Variants in NSUN6 observed in about 807,000 individuals in gnomAD.
The protein encoded by NSUN6 is tRNA (cytosine(72)-C(5))-methyltransferase NSUN6.
A neutral mutation model predicts 58.0 loss-of-function variants in NSUN6; 64 were observed. The ratio of observed to expected loss-of-function variants is 1.10; its 90% CI spans 0.90 to 1.36. The LOEUF (loss-of-function observed/expected upper bound fraction) is 1.36, where lower values mean the gene tolerates loss of function less well. Ranked by LOEUF, NSUN6 falls within the 40% of genes most tolerant of loss-of-function variation. The pLI is 0.00. For missense variants in NSUN6, 701 were observed against 550.1 expected (o/e 1.27, Z -2.74); for synonymous variants, 231 against 193.9 (o/e 1.19, Z -1.59).
intron 2 of NSUN6, among the ~76,000 whole-genome samples, chr10:18,645,736 A>G (rs2059527803): frequency 6.6e-6 from 1 of 152,248 alleles, no homozygotes; most frequent in East Asian, 1.9e-4. Flanking sequence ...TATTTGGAGT[A>G]TATACCTAGG....
At chr10:18,649,758 C>T (rs138588674) in intron 1 of NSUN6, among the ~76,000 whole-genome samples, 33 of 152,080 alleles carry the variant, frequency 2.2e-4, no homozygotes, top group Admixed American at 2.0e-3. Flanking sequence ...CAAAGAAAGA[C>T]GTTTGGATCT....
intron 8 of NSUN6, among the ~76,000 whole-genome samples, chr10:18,568,712 T>C (rs1390445670): frequency 6.6e-6 from 1 of 151,328 alleles, no homozygotes; most frequent in Non-Finnish European, 1.5e-5. Flanking sequence ...TCCACTCCAC[T>C]GTCCATTCCA....
chr10:18,555,414 G>C (rs1477899139), intron 8 of NSUN6, among the ~76,000 whole-genome samples: 1 of 151,056 alleles, frequency 6.6e-6, no homozygotes, highest in African/African-American at 2.4e-5. Context: ...ATGGAATGGA[G>C]AATGCTATGG....
chr10:18,653,236 G>A (rs188182441), upstream of NSUN6: 59 of 983,768 alleles, frequency 6.0e-5, no homozygotes, highest in Middle Eastern at 1.0e-3. Flanking sequence ...TCCATAATGG[G>A]CACTCAAATA....
At chr10:18,652,403 ATTGT>A (rs2059725024), upstream of NSUN6, 4 of 984,544 alleles carry the variant, frequency 4.1e-6, no homozygotes, top group Non-Finnish European at 4.8e-6. Context: ...AGGGTTTTTT[ATTGT>A]TTTTTTCTCT....
At chr10:18,600,193 T>C (rs1054694675) in intron 6 of NSUN6, among the ~76,000 whole-genome samples, 1 of 151,932 alleles carries the variant, frequency 6.6e-6, no homozygotes, top group African/African-American at 2.4e-5. Context: ...GGATAACAGT[T>C]TTCCAGGAAG....
Position 18,545,788 on chromosome 10 carries a change from T to A in NSUN6, c.*145A>T. On this transcript the variant is annotated 3_prime_UTR_variant, in exon 11 of 11. Coordinates refer to ENST00000377304, the MANE Select transcript of NSUN6 (RefSeq NM_182543.5). ...CCCCTACTTCCTCTATGTCTCTGGA[T>A]CCCTGGTAAAACAGCTGGCAGCCTT... 1 of 635,270 alleles carries A rather than the reference T, an allele frequency of 1.6e-6. No individual in the cohort carries two copies. The highest frequency in any genetic ancestry group is 1.9e-5 in the South Asian group (1 of 53,112). 39.4% of individuals were successfully genotyped at this position (635,270 alleles called of 1,614,324 possible). A position where few individuals can be genotyped will look rare whatever the true frequency, so the allele number is the denominator to read the frequency against.
intron 3 of NSUN6, among the ~76,000 whole-genome samples, chr10:18,632,848 T>G (rs142770096): frequency 0.12 from 17,521 of 152,238 alleles, 1,342 homozygotes; most frequent in Middle Eastern, 0.22. Flanking sequence ...GTCAGTGCAG[T>G]GATTCCTCAG....
At chr10:18,624,318 T>G (rs535413971) in intron 3 of NSUN6, among the ~76,000 whole-genome samples, 1 of 152,028 alleles carries the variant, frequency 6.6e-6, no homozygotes, top group South Asian at 2.1e-4. Context: ...AAGATAAAAC[T>G]TATCTCCTAT....
intron 3 of NSUN6, among the ~76,000 whole-genome samples, chr10:18,617,929 C>T (rs189825237): frequency 2.0e-5 from 3 of 152,290 alleles, no homozygotes; most frequent in Non-Finnish European, 4.4e-5. Flanking sequence ...GATGCAAATG[C>T]CTCGATCTTG....
intron 3 of NSUN6, among the ~76,000 whole-genome samples, chr10:18,616,807 C>T (rs766521214): frequency 2.0e-5 from 3 of 152,046 alleles, no homozygotes; most frequent in Non-Finnish European, 4.4e-5. Flanking sequence ...ATCTGTATTA[C>T]TTCTAACACT....
intron 8 of NSUN6, among the ~76,000 whole-genome samples, chr10:18,570,139 GCATTCCATTCCATTCTC>G (rs533588185): frequency 1.5e-5 from 2 of 132,166 alleles, no homozygotes; most frequent in South Asian, 4.8e-4. Flanking sequence ...ATTCCATTTC[GCATTCCATTCCATTCTC>G]CATTCCATTC....
chr10:18,566,684 T>C (rs2055981683), intron 8 of NSUN6, among the ~76,000 whole-genome samples: 1 of 151,064 alleles, frequency 6.6e-6, no homozygotes, highest in Non-Finnish European at 1.5e-5. Context: ...TGCTCCATTT[T>C]CTGTTCCATT....
At chr10:18,630,681 T>C (rs1367801780) in intron 3 of NSUN6, among the ~76,000 whole-genome samples, 1 of 152,110 alleles carries the variant, frequency 6.6e-6, no homozygotes, top group African/African-American at 2.4e-5. Context: ...CCTCAACACA[T>C]ACATTATCCC....
At chr10:18,546,315 A>G (rs1488766094) in intron 10 of NSUN6, among the ~76,000 whole-genome samples, 170 bp from the exon 11 acceptor site, 1 of 152,218 alleles carries the variant, frequency 6.6e-6, no homozygotes, top group Admixed American at 6.5e-5. Flanking sequence ...CTTTCCAGAC[A>G]GTAAAGTAGG....
upstream of NSUN6, chr10:18,659,277 C>G (rs1439965519): frequency 1.1e-5 from 3 of 266,166 alleles, no homozygotes; most frequent in Non-Finnish European, 2.1e-5. Flanking sequence ...CGTGGGTTGC[C>G]GTAAGTGCGC....
chr10:18,568,148 A>G (rs2056101102), intron 8 of NSUN6, among the ~76,000 whole-genome samples: 1 of 150,806 alleles, frequency 6.6e-6, no homozygotes, highest in East Asian at 2.0e-4. Flanking sequence ...TTCTCATGCC[A>G]TTCCATTCTC....
intron 7 of NSUN6, among the ~76,000 whole-genome samples, chr10:18,591,285 G>A (rs1024956675): frequency 6.6e-6 from 1 of 152,136 alleles, no homozygotes; most frequent in African/African-American, 2.4e-5. Context: ...TGGATTCACA[G>A]CAAAATTCTA....
At chr10:18,637,656 G>A (rs1042962910) in intron 3 of NSUN6, among the ~76,000 whole-genome samples, 2 of 152,196 alleles carry the variant, frequency 1.3e-5, no homozygotes, top group African/African-American at 4.8e-5. Flanking sequence ...ACATGCTTAT[G>A]CAAGTCCACA....
Sources: gnomAD v4.1 joint callset for allele counts (sites outside exome capture counted in the v4.1 genomes callset) on GRCh38, gnomAD v4.1.1 for gene constraint, MANE v1.5 for transcripts, NCBI Gene and HGNC (gene_info 2026-07-23, HGNC 2026-07-21) for gene names.